The following TMEM232 variants were observed in gnomAD, a reference collection of about 807,000 sequenced individuals.
TMEM232 encodes the protein transmembrane protein 232.
In TMEM232, 80 loss-of-function variants were observed where a neutral mutation model predicts 78.8. The observed-to-expected ratio is 1.01, with a 90% CI of 0.85 to 1.22. TMEM232 has a LOEUF of 1.22. Among genes scored for constraint, TMEM232 ranks in the 50% most tolerant of loss-of-function variants. The pLI is 0.00. For synonymous variants in TMEM232, 297 were observed against 254.3 expected (o/e 1.17, Z -1.60); for missense variants, 881 against 742.2 (o/e 1.19, Z -2.17).
At chr5:110,532,143 A>G (rs977284839) in intron 11 of TMEM232, among the ~76,000 whole-genome samples, 6 of 152,108 alleles carry the variant, frequency 3.9e-5, no homozygotes, top group Non-Finnish European at 7.4e-5. Context: ...ACCAAGCCAA[A>G]GAATAGCCGC....
intron 11 of TMEM232, among the ~76,000 whole-genome samples, chr5:110,567,881 C>T (rs1384589105): frequency 6.6e-6 from 1 of 151,906 alleles, no homozygotes; most frequent in African/African-American, 2.4e-5. Flanking sequence ...TAAAAAGCTA[C>T]ATCATAAAAA....
upstream of TMEM232, among the ~76,000 whole-genome samples, chr5:110,727,338 G>A (rs531166709): frequency 3.9e-5 from 6 of 152,250 alleles, no homozygotes; most frequent in Admixed American, 2.6e-4. Flanking sequence ...TAGGCCGGGC[G>A]CAGTGGCTCA....
intron 11 of TMEM232, among the ~76,000 whole-genome samples, chr5:110,560,597 T>C (rs547131024): frequency 6.6e-6 from 1 of 152,104 alleles, no homozygotes; most frequent in South Asian, 2.1e-4. Flanking sequence ...AAACAATTGA[T>C]AAAATAGAAA....
intron 2 of TMEM232, among the ~76,000 whole-genome samples, chr5:110,401,123 A>G (rs188851671): frequency 6.6e-6 from 1 of 152,016 alleles, no homozygotes; most frequent in Admixed American, 6.6e-5. Context: ...TACCTGTCCA[A>G]AGCCACGGTA....
intron 2 of TMEM232, among the ~76,000 whole-genome samples, chr5:110,664,954 A>G (rs1239595547): frequency 1.3e-5 from 2 of 152,128 alleles, no homozygotes; most frequent in African/African-American, 4.8e-5. Flanking sequence ...CCTCCTTTTT[A>G]GCATAATATA....
chr5:110,564,903 G>T (rs922894204), intron 11 of TMEM232, among the ~76,000 whole-genome samples: 2 of 151,736 alleles, frequency 1.3e-5, no homozygotes, highest in East Asian at 1.9e-4. Flanking sequence ...CCTAAACCAG[G>T]TCTACTCCAT....
intron 2 of TMEM232, among the ~76,000 whole-genome samples, chr5:110,403,192 GAGAAAATTTTT>G (rs1755667328): frequency 6.6e-6 from 1 of 151,988 alleles, no homozygotes; most frequent in Non-Finnish European, 1.5e-5. Context: ...TTCAATTCCA[GAGAAAATTTTT>G]TAGTAACAAA....
intron 13 of TMEM232, among the ~76,000 whole-genome samples, chr5:110,423,397 A>T: frequency 6.6e-6 from 1 of 152,198 alleles, no homozygotes; most frequent in East Asian, 1.9e-4. Flanking sequence ...CATAAAGTAT[A>T]AATACAAAAC....
chr5:110,709,582 T>C (rs899360269), intron 1 of TMEM232, among the ~76,000 whole-genome samples: 1 of 151,986 alleles, frequency 6.6e-6, no homozygotes, highest in Admixed American at 6.6e-5. Context: ...AGAAGAGGAA[T>C]TTTGGAAACT....
intron 5 of TMEM232, among the ~76,000 whole-genome samples, chr5:110,634,903 GAA>G (rs985945989): frequency 4.0e-5 from 6 of 151,744 alleles, no homozygotes; most frequent in Non-Finnish European, 7.4e-5. Context: ...TGAACAAAAT[GAA>G]AAAGTTTTTT....
At chr5:110,707,192 C>A (rs1431222840) in intron 1 of TMEM232, among the ~76,000 whole-genome samples, 1 of 152,114 alleles carries the variant, frequency 6.6e-6, no homozygotes, top group East Asian at 1.9e-4. Flanking sequence ...AACCAAAAAT[C>A]AGATGAACAA....
chr5:110,597,167 T>A (rs893223357), intron 10 of TMEM232, among the ~76,000 whole-genome samples: 38 of 152,232 alleles, frequency 2.5e-4, no homozygotes, highest in African/African-American at 8.9e-4. Flanking sequence ...TTCAGCAAAG[T>A]CTCAGGATAC....
At position 110,568,558 on chromosome 5, in the gene TMEM232, A is replaced by C. The variant is rs1055999274; in HGVS notation, c.1344T>G (p.Leu448=). Residue 448 remains leucine (L), a synonymous_variant, in exon 11 of 14, where the codon CTT becomes CTG. Coordinates refer to ENST00000455884, the MANE Select transcript of TMEM232 (RefSeq NM_001039763.4). ...GTCCATCCTGTTCTTCGTCTCCTTG[A>C]AGTTCCCATGAAATTTTCACCAGGT... ...VYNLVKISWE[L]QGDEEQDGLR... The C allele has an allele frequency of 4.5e-6, 7 of 1,549,636 alleles. No homozygotes were observed. In the African/African-American group the frequency reaches 9.6e-5, roughly 21 times the overall value.
intron 12 of TMEM232, among the ~76,000 whole-genome samples, chr5:110,528,358 CATT>C (rs1289535011): frequency 6.6e-6 from 1 of 151,474 alleles, no homozygotes; most frequent in Non-Finnish European, 1.5e-5. Context: ...ACAAGAATTA[CATT>C]AATATTGATT....
chr5:110,483,539 A>C (rs1193124341), intron 12 of TMEM232, among the ~76,000 whole-genome samples: 3 of 152,216 alleles, frequency 2.0e-5, no homozygotes, highest in African/African-American at 7.2e-5. Context: ...CATAGGTGGG[A>C]ATTGAACAAT....
intron 12 of TMEM232, among the ~76,000 whole-genome samples, chr5:110,467,267 T>C (rs1762185123): frequency 6.6e-6 from 1 of 152,190 alleles, no homozygotes; most frequent in Non-Finnish European, 1.5e-5. Flanking sequence ...GATACTTTTC[T>C]CCATTTAATT....
intron 10 of TMEM232, among the ~76,000 whole-genome samples, chr5:110,590,325 T>C (rs1779348854): frequency 6.6e-6 from 1 of 152,074 alleles, no homozygotes; most frequent in Non-Finnish European, 1.5e-5. Flanking sequence ...TCCCCAAACC[T>C]ACCAGTCCGT....
chr5:110,605,850 G>A (rs1392920508), intron 9 of TMEM232, among the ~76,000 whole-genome samples: 1 of 152,012 alleles, frequency 6.6e-6, no homozygotes, highest in Non-Finnish European at 1.5e-5. Context: ...GAGATTTTAT[G>A]TATGAGAATA....
chr5:110,505,188 T>C (rs930093732), intron 12 of TMEM232, among the ~76,000 whole-genome samples: 1 of 152,186 alleles, frequency 6.6e-6, no homozygotes, highest in East Asian at 1.9e-4. Flanking sequence ...GTTAAACTTG[T>C]GAAATCTTAA....
Sources: gnomAD v4.1 joint callset for allele counts (sites outside exome capture counted in the v4.1 genomes callset) on GRCh38, gnomAD v4.1.1 for gene constraint, MANE v1.5 for transcripts, NCBI Gene and HGNC (gene_info 2026-07-23, HGNC 2026-07-21) for gene names.